Variants in FMO5 observed in about 807,000 individuals in gnomAD.
The protein encoded by FMO5 is flavin-containing monooxygenase 5.
A neutral mutation model predicts 43.6 loss-of-function variants in FMO5; 51 were observed. The ratio of observed to expected loss-of-function variants is 1.17; its 90% confidence interval spans 0.93 to 1.48. FMO5 has a LOEUF of 1.48. Among genes scored for constraint, FMO5 ranks in the 40% most tolerant of loss-of-function variants. The pLI, the probability that FMO5 is intolerant of heterozygous loss-of-function variation, is 0.00. For missense variants in FMO5, 644 were observed against 643.0 expected, an observed-to-expected ratio of 1.00 and a Z score of -0.02; for synonymous variants, 187 against 216.5, an observed-to-expected ratio of 0.86 and a Z score of 1.20.
chr1:147,186,608 A>G lies in FMO5; in HGVS notation c.*292T>C, dbSNP rs373649430. On this transcript the variant is annotated 3_prime_UTR_variant, in exon 9 of 9. Coordinates refer to ENST00000254090, the MANE Select transcript of FMO5 (RefSeq NM_001461.4). Reference sequence around the variant, plus strand: ...AACAAACATTTATTAAGCACCTACCACATGTCAAGAACTCTGCTAAAGACA... The same window carrying G: ...AACAAACATTTATTAAGCACCTACCGCATGTCAAGAACTCTGCTAAAGACA... 5 of 1,118,718 alleles carry G rather than the reference A, an allele frequency of 4.5e-6. No individual in the cohort carries two copies. In the South Asian group the frequency reaches 1.1e-4, roughly 25 times the overall value. 69.3% of individuals were successfully genotyped at this position (1,118,718 alleles called of 1,614,324 possible). A position where few individuals can be genotyped will look rare whatever the true frequency, so the allele number is the denominator to read the frequency against.
chr1:147,197,100 A>C (rs1553919967), intron 7 of FMO5, among the ~76,000 whole-genome samples: 1 of 152,148 alleles, frequency 6.6e-6, no homozygotes, highest in Non-Finnish European at 1.5e-5. Context: ...TTGCCTGTGA[A>C]TATTTCTAGT....
At chr1:147,190,522 T>C (rs908607919) in intron 7 of FMO5, among the ~76,000 whole-genome samples, 2 of 152,090 alleles carry the variant, frequency 1.3e-5, no homozygotes, top group South Asian at 2.1e-4. Flanking sequence ...AGTCTTTCAG[T>C]TGGGAAATGA....
At chr1:147,226,844 T>TTC (rs1664015970), upstream of FMO5, among the ~76,000 whole-genome samples, 1 of 151,754 alleles carries the variant, frequency 6.6e-6, no homozygotes, top group African/African-American at 2.4e-5. Flanking sequence ...CGAACTTTTT[T>TTC]TTTTTTGAAA....
intron 7 of FMO5, 141 bp from the exon 8 acceptor site, chr1:147,190,390 C>A: frequency 1.8e-6 from 1 of 567,016 alleles, no homozygotes; most frequent in Non-Finnish European, 3.1e-6. Flanking sequence ...TTCACTTGAT[C>A]ACCTTACCAC....
intron 6 of FMO5, 34 bp from the exon 7 acceptor site, chr1:147,201,538 G>A (rs782429218): frequency 9.1e-6 from 14 of 1,537,870 alleles, no homozygotes; most frequent in Non-Finnish European, 8.9e-7. Context: ...GTGGAGAAAT[G>A]AGAGAAAGAG....
At chr1:147,186,069 G>A (rs782411496), downstream of FMO5, among the ~76,000 whole-genome samples, 2 of 152,194 alleles carry the variant, frequency 1.3e-5, no homozygotes, top group Non-Finnish European at 2.9e-5. Context: ...AATCACATTT[G>A]TAGACCACAC....
intron 2 of FMO5, among the ~76,000 whole-genome samples, chr1:147,217,005 C>T (rs1553925176): frequency 6.6e-6 from 1 of 152,134 alleles, no homozygotes; most frequent in Non-Finnish European, 1.5e-5. Context: ...CTTTGGGAGG[C>T]TGAGGTGGGT....
rs879980329 is a variant in FMO5 at position 147,204,099 on chromosome 1, A to T, written c.831-2595T>A. 6 of 1,057,678 alleles carry T rather than the reference A, an allele frequency of 5.7e-6. No individual in the cohort carries two copies. The African/African-American group carries it at 7.8e-5, about 14-fold the overall frequency. 65.5% of individuals were successfully genotyped at this position (1,057,678 alleles called of 1,614,324 possible). A position where few individuals can be genotyped will look rare whatever the true frequency, so the allele number is the denominator to read the frequency against. ...CCAGTATCAGCAATAGCTTTGACTT[A>T]TGCATCCATGAGATTTTCTTCTCCC... On this transcript the variant is annotated intron_variant, in intron 6 of 8. Coordinates refer to ENST00000254090, the MANE Select transcript of FMO5 (RefSeq NM_001461.4).
intron 6 of FMO5, chr1:147,204,735 TG>T (rs1659658740): frequency 5.9e-6 from 9 of 1,513,664 alleles, no homozygotes; most frequent in Non-Finnish European, 8.3e-6. Context: ...CTGCATCATT[TG>T]TCACAAACAA....
At position 147,186,277 on chromosome 1, in the gene FMO5, T is replaced by C. The variant is rs759422792; in HGVS notation, c.*623A>G. 179 of 970,788 alleles carry C rather than the reference T, an allele frequency of 1.8e-4. No individual in the cohort carries two copies. The highest frequency in any genetic ancestry group is 2.1e-4 in the Non-Finnish European group (173 of 816,712). 60.1% of individuals were successfully genotyped at this position (970,788 alleles called of 1,614,324 possible). A position where few individuals can be genotyped will look rare whatever the true frequency, so the allele number is the denominator to read the frequency against. On this transcript the variant is annotated 3_prime_UTR_variant, in exon 9 of 9. Transcript: ENST00000254090. Reference sequence around the variant, plus strand: ...CCTAGAAAGTTGAAAGTAATTTCTTTATTGAGAAAATAAAGACATGGTTCC... The same window carrying C: ...CCTAGAAAGTTGAAAGTAATTTCTTCATTGAGAAAATAAAGACATGGTTCC...
chr1:147,224,953 C>G lies in FMO5; in HGVS notation c.77G>C (p.Gly26Ala), dbSNP rs587621484. The G allele has an allele frequency of 1.9e-6, 3 of 1,614,082 alleles. No individual in the cohort carries two copies. In the South Asian group the frequency reaches 3.3e-5, roughly 18 times the overall value. Reference sequence around the variant, plus strand: ...CCTTTCAAAGCAGACAGGTTCCAAGCCTTCTTCTACGCAGCACTTGATGGA... The same window carrying G: ...CCTTTCAAAGCAGACAGGTTCCAAGGCTTCTTCTACGCAGCACTTGATGGA... ...LSSIKCCVEEGLEPVCFERTD... is the reference protein window; with the variant it reads ...LSSIKCCVEEALEPVCFERTD... Residue 26 changes from glycine (G) to alanine (A), a missense_variant, in exon 2 of 9, where the codon GGC becomes GCC. By Grantham distance (60) the Gly-to-Ala change is moderately conservative. Coordinates refer to ENST00000254090, the MANE Select transcript of FMO5 (RefSeq NM_001461.4).
intron 8 of FMO5, 122 bp downstream of exon 8, chr1:147,190,055 T>TTTC (rs1336401099): frequency 1.6e-6 from 1 of 629,290 alleles, no homozygotes; most frequent in Non-Finnish European, 2.7e-6. Context: ...TTTTTCCTTT[T>TTTC]TTCTTCATAA....
chr1:147,226,969 A>G (rs1015954002), upstream of FMO5, among the ~76,000 whole-genome samples: 4 of 151,784 alleles, frequency 2.6e-5, no homozygotes, highest in African/African-American at 9.7e-5. Context: ...AGTAGGGACT[A>G]CAGCTGTGTG....
chr1:147,193,674 T>G (rs1553919066), intron 7 of FMO5, among the ~76,000 whole-genome samples: 1 of 152,186 alleles, frequency 6.6e-6, no homozygotes, highest in African/African-American at 2.4e-5. Flanking sequence ...ACACACTGCT[T>G]TAAATGTGTT....
chr1:147,219,467 T>G (rs1553925799), intron 2 of FMO5, among the ~76,000 whole-genome samples: 1 of 152,128 alleles, frequency 6.6e-6, no homozygotes, highest in East Asian at 1.9e-4. Context: ...AAACTAGGAA[T>G]GGAGAGAAAC....
chr1:147,209,238 T>G (rs1660660697), intron 5 of FMO5, among the ~76,000 whole-genome samples, 187 bp from the exon 6 acceptor site: 3 of 152,036 alleles, frequency 2.0e-5, no homozygotes, highest in South Asian at 2.1e-4. Flanking sequence ...GCTAACACAG[T>G]GAAACCCCGT....
intron 7 of FMO5, among the ~76,000 whole-genome samples, chr1:147,193,914 G>A (rs1553919124): frequency 1.3e-5 from 2 of 152,040 alleles, no homozygotes; most frequent in Non-Finnish European, 2.9e-5. Context: ...GCTGAGGAGT[G>A]CTTTACTTCC....
chr1:147,213,066 A>T (rs1661347568), intron 4 of FMO5, among the ~76,000 whole-genome samples: 1 of 152,158 alleles, frequency 6.6e-6, no homozygotes, highest in Non-Finnish European at 1.5e-5. Flanking sequence ...TACTCCAGTC[A>T]TTTGATACAA....
chr1:147,185,906 C>T (rs1231355789), downstream of FMO5, among the ~76,000 whole-genome samples: 1 of 152,100 alleles, frequency 6.6e-6, no homozygotes, highest in Non-Finnish European at 1.5e-5. Context: ...CTACACTTTA[C>T]GACATGAGAA....
Sources: gnomAD v4.1 joint callset for allele counts (sites outside exome capture counted in the v4.1 genomes callset) on GRCh38, gnomAD v4.1.1 for gene constraint, MANE v1.5 for transcripts, NCBI Gene and HGNC (gene_info 2026-07-23, HGNC 2026-07-21) for gene names.